The following PCDH11X variants were observed in gnomAD, a reference collection of about 807,000 sequenced individuals.
PCDH11X encodes protocadherin 11 X-linked.
PCDH11X carries 18 observed loss-of-function variants against 53.3 expected under a neutral mutation model. The ratio of observed to expected loss-of-function variants is 0.34; its 90% CI spans 0.23 to 0.50. PCDH11X has a LOEUF of 0.50. Ranked by LOEUF, PCDH11X falls within the 20% of genes least tolerant of loss-of-function variation. The probability of loss-of-function intolerance (pLI) is 0.98; values close to 1 mark genes in which losing one functional copy is unlikely to be tolerated. For synonymous variants in PCDH11X, 279 were observed against 393.3 expected (o/e 0.71, Z 3.44); for missense variants, 570 against 1,032.4 (o/e 0.55, Z 6.14).
At chrX:91,882,569 A>C (rs781721183) in intron 6 of PCDH11X, among the ~76,000 whole-genome samples, 80 of 110,481 alleles carry the variant, frequency 7.2e-4, no homozygotes, top group Non-Finnish European at 1.2e-3. Context: ...CATTTTCCAA[A>C]AAACAAACAA....
At chrX:91,885,135 G>T (rs773778784) in intron 6 of PCDH11X, among the ~76,000 whole-genome samples, 67 of 106,642 alleles carry the variant, frequency 6.3e-4, no homozygotes, top group Middle Eastern at 0.01. Context: ...TATAATGACT[G>T]TGAGTATAAC....
chrX:91,941,253 A>G (rs1016147805), intron 6 of PCDH11X, among the ~76,000 whole-genome samples: 2 of 111,548 alleles, frequency 1.8e-5, no homozygotes, highest in Non-Finnish European at 3.8e-5. Flanking sequence ...ACCTTTGAAT[A>G]TAAACAGTCT....
chrX:92,225,555 C>A (rs900005281), intron 7 of PCDH11X, among the ~76,000 whole-genome samples: 1 of 111,152 alleles, frequency 9.0e-6, no homozygotes, highest in African/African-American at 3.3e-5. Flanking sequence ...TGTGTCCATG[C>A]AAAAGAAGTG....
At chrX:92,133,276 G>A (rs1489940746) in intron 6 of PCDH11X, among the ~76,000 whole-genome samples, 4 of 111,787 alleles carry the variant, frequency 3.6e-5, no homozygotes, top group Admixed American at 2.9e-4. Context: ...ACATTAGTCT[G>A]GATAAAAATT....
At chrX:91,936,223 T>G (rs978261660) in intron 6 of PCDH11X, among the ~76,000 whole-genome samples, 9 of 108,761 alleles carry the variant, frequency 8.3e-5, no homozygotes, top group Non-Finnish European at 1.7e-4. Flanking sequence ...TTATGTACAA[T>G]CCAGAGGGGG....
chrX:92,522,601 GT>G (rs2074386628), intron 10 of PCDH11X, among the ~76,000 whole-genome samples: 1 of 111,786 alleles, frequency 8.9e-6, no homozygotes, highest in African/African-American at 3.3e-5. Flanking sequence ...TCTTCAATAT[GT>G]AAAAAACACA....
rs771828519 is a variant in PCDH11X at position 92,622,478 on chromosome X, T to C, written c.*3538T>C. 2.7e-5 allele frequency: 3 copies of C among 111,328 alleles called. No homozygotes were observed. In the South Asian group the frequency reaches 1.1e-3, roughly 41 times the overall value. 9.2% of individuals were successfully genotyped at this position (111,328 alleles called of 1,213,427 possible). On this transcript the variant is annotated 3_prime_UTR_variant, in exon 11 of 11. Coordinates refer to ENST00000682573, the MANE Select transcript of PCDH11X (RefSeq NM_032968.5). ...ACACATTTATGAAAATCTACTTGTT[T>C]AGGCTTTTATTTATACTCTTCTGAT...
At chrX:92,287,087 A>G (rs770067641) in intron 8 of PCDH11X, among the ~76,000 whole-genome samples, 2 of 111,805 alleles carry the variant, frequency 1.8e-5, no homozygotes, top group Non-Finnish European at 3.8e-5. Flanking sequence ...ATGGGTGCCA[A>G]ACTAGTGGTT....
chrX:92,233,743 T>A (rs183239477), intron 7 of PCDH11X, among the ~76,000 whole-genome samples: 174 of 112,417 alleles, frequency 1.5e-3, no homozygotes, highest in African/African-American at 5.2e-3. Flanking sequence ...CTAGCCACAG[T>A]AATTTTAAGT....
intron 6 of PCDH11X, among the ~76,000 whole-genome samples, chrX:92,127,367 A>T (rs1303582340): frequency 2.7e-5 from 3 of 110,251 alleles, no homozygotes. Flanking sequence ...CTGTTAAATT[A>T]GATTGATTAT....
Position 92,598,247 on chromosome X carries a change from C to A in PCDH11X, c.3368-20017C>A, listed in dbSNP as rs769847333. Among the ~76,000 whole-genome samples the A allele has an allele frequency of 2.7e-5, 3 of 110,519 alleles. No individual in the cohort carries two copies. In the East Asian group the frequency reaches 8.6e-4, roughly 32 times the overall value. On this transcript the variant is annotated intron_variant, in intron 10 of 10. Transcript: ENST00000682573. ...TAAAACAATCAACAAAGTGAAGAGA[C>A]AACCCACAGAATGGAAGAAAATATT...
intron 6 of PCDH11X, among the ~76,000 whole-genome samples, chrX:92,023,226 G>T (rs764582898): frequency 4.7e-4 from 51 of 108,963 alleles, no homozygotes; most frequent in Middle Eastern, 4.7e-3. Flanking sequence ...AATGAATCCA[G>T]GAGCTAGTTT....
At chrX:92,514,428 T>C (rs1486241754) in intron 10 of PCDH11X, among the ~76,000 whole-genome samples, 2 of 108,433 alleles carry the variant, frequency 1.8e-5, no homozygotes, top group African/African-American at 3.4e-5. Flanking sequence ...TTTGAAGTGA[T>C]CAAAATTAAT....
At position 92,052,344 on chromosome X, in the gene PCDH11X, A is replaced by T. The variant is rs1284126968; in HGVS notation, c.3034-149031A>T. On this transcript the variant is annotated intron_variant, in intron 6 of 10. Coordinates refer to ENST00000682573, the MANE Select transcript of PCDH11X (RefSeq NM_032968.5). ...TGAGTTTTGTGGGAATGGGATCAGAATGGGTGATACTAAGTCATTAAAGTG... is the reference window on the plus strand; with the variant it reads ...TGAGTTTTGTGGGAATGGGATCAGATTGGGTGATACTAAGTCATTAAAGTG... Among the ~76,000 whole-genome samples, 8 of 96,187 alleles carry T rather than the reference A, an allele frequency of 8.3e-5. No homozygotes were observed. In the East Asian group the frequency reaches 2.7e-3, roughly 33 times the overall value. 83.5% of individuals were successfully genotyped at this position (96,187 alleles called of 115,157 possible). A position where few individuals can be genotyped will look rare whatever the true frequency, so the allele number is the denominator to read the frequency against.
intron 9 of PCDH11X, among the ~76,000 whole-genome samples, chrX:92,439,247 A>G (rs2072458618): frequency 9.0e-6 from 1 of 111,560 alleles, no homozygotes; most frequent in African/African-American, 3.3e-5. Context: ...GAAGGTAAGA[A>G]CACCAAGTGG....
chrX:92,120,575 G>A (rs1393786026), intron 6 of PCDH11X, among the ~76,000 whole-genome samples: 2 of 112,526 alleles, frequency 1.8e-5, no homozygotes, highest in East Asian at 5.6e-4. Flanking sequence ...GCTAATTGTC[G>A]AATTCATATT....
At chrX:92,304,105 A>T (rs2068777676) in intron 8 of PCDH11X, among the ~76,000 whole-genome samples, 1 of 106,201 alleles carries the variant, frequency 9.4e-6, no homozygotes, top group African/African-American at 3.5e-5. Flanking sequence ...TATGTCTCCC[A>T]AGGGTCATCT....
intron 9 of PCDH11X, among the ~76,000 whole-genome samples, chrX:92,458,622 C>T (rs1348618223): frequency 9.0e-6 from 1 of 111,602 alleles, no homozygotes; most frequent in African/African-American, 3.3e-5. Flanking sequence ...TGATTGAAAA[C>T]ATGTAACATT....
intron 6 of PCDH11X, among the ~76,000 whole-genome samples, chrX:92,079,527 TC>T (rs1173837873): frequency 9.0e-6 from 1 of 110,925 alleles, no homozygotes; most frequent in African/African-American, 3.3e-5. Flanking sequence ...TTAGTGGGTG[TC>T]CTCAGGCAAG....
Sources: allele counts gnomAD v4.1 joint callset (sites outside exome capture counted in the v4.1 genomes callset), GRCh38; gene constraint gnomAD v4.1.1; transcripts MANE v1.5; gene names NCBI Gene and HGNC (gene_info 2026-07-23, HGNC 2026-07-21).